The following DYSF variants were observed in gnomAD, a reference collection of about 807,000 sequenced individuals.
DYSF encodes dystrophy-associated fer-1-like 1.
In DYSF, 212 loss-of-function variants were observed where a neutral mutation model predicts 274.9. The ratio of observed to expected loss-of-function variants is 0.77; its 90% CI spans 0.69 to 0.86. The LOEUF (loss-of-function observed/expected upper bound fraction) is 0.86. Ranked by LOEUF, DYSF falls within the 40% of genes least tolerant of loss-of-function variation. DYSF has a pLI of 0.00. For synonymous variants in DYSF, 1,091 were observed against 1,078.7 expected (o/e 1.01, Z -0.22); for missense variants, 2,666 against 2,783.2 (o/e 0.96, Z 0.95).
At chr2:71,564,315 C>T (rs2091958724) in intron 24 of DYSF, 102 bp downstream of exon 24, 2 of 1,515,466 alleles carry the variant, frequency 1.3e-6, no homozygotes, top group Non-Finnish European at 9.1e-7. Context: ...TATCTTAGTT[C>T]TTAGGCTGTG....
intron 30 of DYSF, among the ~76,000 whole-genome samples, chr2:71,581,069 G>C (rs569268630): frequency 6.6e-6 from 1 of 152,190 alleles, no homozygotes; most frequent in African/African-American, 2.4e-5. Flanking sequence ...AAAAGCAGGC[G>C]TAAGTAGGAC....
chr2:71,554,763 TGAG>T (rs970492536), intron 21 of DYSF, among the ~76,000 whole-genome samples: 4 of 151,666 alleles, frequency 2.6e-5, no homozygotes, highest in African/African-American at 4.9e-5. Flanking sequence ...GTTTTGGAGG[TGAG>T]GAGGAGCCTT....
At chr2:71,475,889 A>G (rs1413698763) in intron 1 of DYSF, among the ~76,000 whole-genome samples, 5 of 151,908 alleles carry the variant, frequency 3.3e-5, no homozygotes, top group African/African-American at 9.7e-5. Flanking sequence ...CCACCTCAGC[A>G]TCTCGAGTAG....
intron 4 of DYSF, among the ~76,000 whole-genome samples, chr2:71,506,197 C>T (rs552113437): frequency 5.3e-5 from 8 of 152,082 alleles, no homozygotes; most frequent in Non-Finnish European, 1.2e-4. Context: ...AAGTAGGTGG[C>T]GCACAATGGG....
At chr2:71,518,505 T>C (rs2086895195) in intron 10 of DYSF, among the ~76,000 whole-genome samples, 2 of 151,530 alleles carry the variant, frequency 1.3e-5, no homozygotes, top group Admixed American at 6.6e-5. Flanking sequence ...GACCTTGTGA[T>C]CTGGCTACCT....
In DYSF at chr2:71,545,718, C is replaced by T. The variant is rs1370475572; in HGVS notation, c.1577-5323C>T. Among the ~76,000 whole-genome samples, 7 of 152,286 alleles carry T rather than the reference C, an allele frequency of 4.6e-5. No homozygotes were observed. The East Asian group carries it at 1.4e-3, about 29-fold the overall frequency. The stretch of plus-strand genomic sequence containing the variant: ...TGACTGTTTTCCGACAGTTGTGTTT[C>T]ATGACGCTGCAGCCGTGCCTACCAC... On this transcript the variant is annotated intron_variant, in intron 17 of 55. Transcript: ENST00000410020.
chr2:71,456,170 T>TAAG (rs1477736331), intron 1 of DYSF, among the ~76,000 whole-genome samples: 2 of 151,902 alleles, frequency 1.3e-5, no homozygotes, highest in East Asian at 3.9e-4. Context: ...GCTCCCCCTT[T>TAAG]CCAGGGCCCA....
At chr2:71,543,949 G>A (rs911648375) in intron 17 of DYSF, among the ~76,000 whole-genome samples, 5 of 147,278 alleles carry the variant, frequency 3.4e-5, no homozygotes, top group Non-Finnish European at 4.6e-5. Flanking sequence ...AGAGGGAGAC[G>A]GAGAGGGAGA....
intron 17 of DYSF, 48 bp downstream of exon 17, chr2:71,539,287 G>C (rs759916432): frequency 6.6e-7 from 1 of 1,518,514 alleles, no homozygotes. Flanking sequence ...GCTCTCCCCC[G>C]TACCCCCTCT....
intron 47 of DYSF, among the ~76,000 whole-genome samples, chr2:71,666,087 G>T (rs1160643424): frequency 6.9e-6 from 1 of 145,922 alleles, no homozygotes; most frequent in Non-Finnish European, 1.5e-5. Flanking sequence ...CCCAGGTCAT[G>T]GCTGAGCCAG....
chr2:71,573,861 C>T (rs1358873032), intron 29 of DYSF, among the ~76,000 whole-genome samples: 2 of 151,932 alleles, frequency 1.3e-5, no homozygotes, highest in Admixed American at 6.5e-5. Flanking sequence ...CTCATTCTGT[C>T]ACCCAGGCTT....
At chr2:71,587,010 C>T (rs1261280115) in intron 30 of DYSF, among the ~76,000 whole-genome samples, 1 of 152,218 alleles carries the variant, frequency 6.6e-6, no homozygotes. Flanking sequence ...ATGCAGGCAT[C>T]ACGCACTGTT....
At chr2:71,564,955 G>A (rs916018905) in intron 24 of DYSF, among the ~76,000 whole-genome samples, 1 of 152,212 alleles carries the variant, frequency 6.6e-6, no homozygotes, top group African/African-American at 2.4e-5. Flanking sequence ...TGGCGTGCAG[G>A]ACACAATGCG....
At chr2:71,474,789 A>G (rs573503388) in intron 1 of DYSF, among the ~76,000 whole-genome samples, 2 of 152,312 alleles carry the variant, frequency 1.3e-5, no homozygotes, top group East Asian at 1.9e-4. Context: ...ATTAAAAGAT[A>G]TTTAGCACAG....
intron 41 of DYSF, among the ~76,000 whole-genome samples, chr2:71,638,696 G>A (rs1243314324): frequency 6.6e-6 from 1 of 152,168 alleles, no homozygotes; most frequent in African/African-American, 2.4e-5. Context: ...ATGTGCCAGT[G>A]TAAGGATATA....
intron 50 of DYSF, among the ~76,000 whole-genome samples, 192 bp downstream of exon 50, chr2:71,669,399 T>G (rs1453067988): frequency 6.6e-6 from 1 of 152,130 alleles, no homozygotes; most frequent in East Asian, 1.9e-4. Flanking sequence ...GCACTGAACT[T>G]TGGGTTGAAC....
chr2:71,555,053 G>C (rs1253125120), intron 21 of DYSF, among the ~76,000 whole-genome samples: 2 of 151,518 alleles, frequency 1.3e-5, no homozygotes, highest in Non-Finnish European at 1.5e-5. Flanking sequence ...GTCTGTGGGT[G>C]GGGAGGTGAG....
chr2:71,486,721 G>A (rs983755011), intron 3 of DYSF, among the ~76,000 whole-genome samples: 1 of 152,186 alleles, frequency 6.6e-6, no homozygotes, highest in African/African-American at 2.4e-5. Flanking sequence ...CAACTTCAGG[G>A]ATGGATCGAC....
At chr2:71,661,001 C>G (rs2094869686) in intron 45 of DYSF, among the ~76,000 whole-genome samples, 1 of 151,264 alleles carries the variant, frequency 6.6e-6, no homozygotes, top group Non-Finnish European at 1.5e-5. Flanking sequence ...CCTGTGGTTC[C>G]AGATACTTGG....
Sources: allele counts gnomAD v4.1 joint callset (sites outside exome capture counted in the v4.1 genomes callset), GRCh38; gene constraint gnomAD v4.1.1; transcripts MANE v1.5; gene names NCBI Gene and HGNC (gene_info 2026-07-23, HGNC 2026-07-21).